Variants in GABRR2 observed in about 807,000 individuals in gnomAD.
GABRR2 encodes gamma-aminobutyric acid receptor subunit rho-2.
A neutral mutation model predicts 47.0 loss-of-function variants in GABRR2; 36 were observed. The ratio of observed to expected loss-of-function variants is 0.77; its 90% CI spans 0.59 to 1.01. The LOEUF is 1.01. Among genes scored for constraint, GABRR2 ranks in the 50% least tolerant of loss-of-function variants. The pLI, the probability that GABRR2 is intolerant of heterozygous loss-of-function variation, is 0.00. For synonymous variants in GABRR2, 204 were observed against 227.5 expected (o/e 0.90, Z 0.93); for missense variants, 587 against 594.6 (o/e 0.99, Z 0.13).
In GABRR2 at chr6:89,264,342, C is replaced by T. The variant is rs1773826811; in HGVS notation, c.1086+70G>A. On this transcript the variant is annotated intron_variant, in intron 8 of 8. Coordinates refer to ENST00000402938, the MANE Select transcript of GABRR2 (RefSeq NM_002043.5). ...CTACATGCAACCCCTGCCTCTGCCC[C>T]CTGGCCCAGAAGACCTTCATTTTCA... 21 of 1,508,492 alleles carry T rather than the reference C, an allele frequency of 1.4e-5. No homozygotes were observed. The South Asian group carries it at 2.5e-4, about 18-fold the overall frequency. The allele number at this position is 1,508,492 out of a possible 1,614,324, so 93.4% of individuals were successfully genotyped here.
At chr6:89,285,685 T>C (rs2127841855) in intron 2 of GABRR2, among the ~76,000 whole-genome samples, 1 of 152,230 alleles carries the variant, frequency 6.6e-6, no homozygotes, top group African/African-American at 2.4e-5. Context: ...TGAGAACCCC[T>C]GGATTACCGA....
chr6:89,300,922 A>G (rs1378588132), intron 1 of GABRR2, among the ~76,000 whole-genome samples: 1 of 152,120 alleles, frequency 6.6e-6, no homozygotes, highest in Non-Finnish European at 1.5e-5. Context: ...AACCTGGCAG[A>G]AACACACACA....
chr6:89,299,182 A>C (rs935015126), intron 2 of GABRR2, among the ~76,000 whole-genome samples: 1 of 152,156 alleles, frequency 6.6e-6, no homozygotes, highest in Non-Finnish European at 1.5e-5. Context: ...CTAACAGAGC[A>C]CCTTTGGGGG....
In GABRR2 at chr6:89,315,084, A is replaced by T. The variant is rs368041500; in HGVS notation, c.82T>A (p.Trp28Arg). The stretch of plus-strand genomic sequence containing the variant: ...TTGGGCATTTCCACCTGCCCTGTCC[A>T]TCGCTTCCTCTTGGGTTTTCTGCTC... The part of the protein sequence containing the change: ...VESRKPKRKR[W>R]TGQVEMPKPS... Residue 28 changes from tryptophan (W) to arginine (R), a missense_variant, in exon 1 of 9, where the codon TGG (tryptophan) becomes AGG (arginine). Transcript: ENST00000402938. 5.0e-6 allele frequency: 8 copies of T among 1,613,754 alleles called. No individual in the cohort carries two copies. In the African/African-American group the frequency reaches 1.1e-4, roughly 22 times the overall value.
chr6:89,311,002 C>T (rs1767671534), intron 1 of GABRR2, among the ~76,000 whole-genome samples: 2 of 152,154 alleles, frequency 1.3e-5, no homozygotes. Flanking sequence ...CGGGACTGTC[C>T]AGTCCCCTTA....
intron 2 of GABRR2, among the ~76,000 whole-genome samples, chr6:89,279,683 A>T (rs199881707): frequency 2.0e-5 from 1 of 49,068 alleles, no homozygotes; most frequent in Admixed American, 1.7e-4. Context: ...AAAAAAAGTT[A>T]AAAAAAAAAA....
chr6:89,297,710 A>G (rs555483160), intron 2 of GABRR2, among the ~76,000 whole-genome samples: 2 of 152,244 alleles, frequency 1.3e-5, no homozygotes, highest in Admixed American at 1.3e-4. Flanking sequence ...CAAAAGAATT[A>G]GGCATGGTGG....
chr6:89,298,515 A>G (rs999284015), intron 2 of GABRR2, among the ~76,000 whole-genome samples: 3 of 152,238 alleles, frequency 2.0e-5, no homozygotes, highest in Non-Finnish European at 4.4e-5. Flanking sequence ...TTACTGCCCC[A>G]GAATGATAGG....
chr6:89,302,019 C>A (rs1767450976), intron 1 of GABRR2: 1 of 683,796 alleles, frequency 1.5e-6, no homozygotes, highest in Non-Finnish European at 2.7e-6. Flanking sequence ...GGCTCGGGGC[C>A]TTTTGGACAT....
At chr6:89,270,984 G>C (rs1056115548) in intron 3 of GABRR2, among the ~76,000 whole-genome samples, 17 of 152,354 alleles carry the variant, frequency 1.1e-4, no homozygotes, top group Middle Eastern at 3.4e-3. Context: ...CAGGAGGTCA[G>C]GGAAGCCTCT....
intron 1 of GABRR2, 21 bp downstream of exon 1, chr6:89,315,032 C>T (rs755450220): frequency 6.2e-7 from 1 of 1,606,256 alleles, no homozygotes; most frequent in Admixed American, 1.7e-5. Flanking sequence ...AACCTCCCTC[C>T]TTTCCCACCT....
intron 4 of GABRR2, 92 bp from the exon 5 acceptor site, chr6:89,268,188 A>G: frequency 1.2e-6 from 1 of 830,494 alleles, no homozygotes; most frequent in Non-Finnish European, 2.0e-6. Context: ...ACAACTGAGT[A>G]GCTGCCTCCT....
intron 4 of GABRR2, among the ~76,000 whole-genome samples, 178 bp downstream of exon 4, chr6:89,268,833 A>C (rs1773974593): frequency 6.6e-6 from 1 of 152,178 alleles, no homozygotes; most frequent in Admixed American, 6.5e-5. Flanking sequence ...GTGATGGGGA[A>C]GTTGTCCCCT....
chr6:89,292,770 C>CA lies in GABRR2; in HGVS notation c.220+6988_220+6989insT, dbSNP rs1582457482. ...CGTATATATCGTATATACGATATAT[C>CA]GTATATATCGTATATACGATATATC... is the stretch of plus-strand genomic sequence containing the variant. On this transcript the variant is annotated intron_variant, in intron 2 of 8. Transcript: ENST00000402938. Among the ~76,000 whole-genome samples, 18 of 41,188 alleles carry CA rather than the reference C, an allele frequency of 4.4e-4. 3 individuals carry two copies. The highest frequency in any genetic ancestry group is 1.4e-3 in the Admixed American group (5 of 3,606). The allele number at this position is 41,188 out of a possible 152,430, so 27.0% of individuals were successfully genotyped here.
At chr6:89,313,342 T>C (rs1255099226) in intron 1 of GABRR2, among the ~76,000 whole-genome samples, 1 of 152,216 alleles carries the variant, frequency 6.6e-6, no homozygotes, top group Non-Finnish European at 1.5e-5. Flanking sequence ...CCTATTTGCA[T>C]AACAAAGGTT....
chr6:89,265,595 C>G lies in GABRR2; in HGVS notation c.889+18G>C, dbSNP rs761542174. On this transcript the variant is annotated intron_variant, in intron 7 of 8. Coordinates refer to ENST00000402938, the MANE Select transcript of GABRR2 (RefSeq NM_002043.5). Reference sequence around the variant, plus strand: ...GAAAAAAATAACCACCCTACCACACCTTATGAAATGCTTTTACCCAGTGAA... The same window carrying G: ...GAAAAAAATAACCACCCTACCACACGTTATGAAATGCTTTTACCCAGTGAA... The G allele has an allele frequency of 2.5e-6, 4 of 1,604,384 alleles. No homozygotes were observed. Among genetic ancestry groups the G allele is most frequent in the African/African-American group, 2.7e-5 (2 of 74,508 alleles).
chr6:89,262,329 G>A (rs1773768085), intron 8 of GABRR2, among the ~76,000 whole-genome samples: 1 of 152,124 alleles, frequency 6.6e-6, no homozygotes. Context: ...TGTTCAATAG[G>A]CATGTGTCAG....
intron 2 of GABRR2, among the ~76,000 whole-genome samples, chr6:89,292,679 T>TATATCAGATATATATCGTATCTCTGAC (rs1774471274): frequency 7.3e-6 from 1 of 137,636 alleles, no homozygotes. Context: ...GTATCTCTGA[T>TATATCAGATATATATCGTATCTCTGAC]ATATATCAGA....
chr6:89,280,542 C>T (rs57699466), intron 2 of GABRR2, among the ~76,000 whole-genome samples: 21,028 of 152,012 alleles, frequency 0.14, 1,491 homozygotes, highest in Non-Finnish European at 0.15. Context: ...CCTGCCATGC[C>T]AGCTTACTGC....
Sources: allele counts gnomAD v4.1 joint callset (sites outside exome capture counted in the v4.1 genomes callset), GRCh38; gene constraint gnomAD v4.1.1; transcripts MANE v1.5; gene names NCBI Gene and HGNC (gene_info 2026-07-23, HGNC 2026-07-21).